CCDC91: variants seen among roughly 807,000 people sequenced by gnomAD.
The protein encoded by CCDC91 is coiled-coil domain-containing protein 91.
CCDC91 carries 48 observed loss-of-function variants against 63.2 expected under a neutral mutation model. The ratio of observed to expected loss-of-function variants is 0.76; its 90% CI spans 0.60 to 0.97. The LOEUF is 0.97. CCDC91 is among the 50% of genes least tolerant of loss of function. The pLI is 0.00. For synonymous variants in CCDC91, 167 were observed against 165.8 expected (o/e 1.01, Z -0.06); for missense variants, 500 against 494.6 (o/e 1.01, Z -0.10).
At chr12:28,369,879 AGAGCTGGAGTAGCT>A (rs1468746707) in intron 7 of CCDC91, among the ~76,000 whole-genome samples, 3 of 152,204 alleles carry the variant, frequency 2.0e-5, no homozygotes, top group African/African-American at 7.2e-5. Context: ...AGCCACAGCT[AGAGCTGGAGTAGCT>A]GGGACAGTGT....
At chr12:28,339,972 G>GTA (rs1219520365) in intron 6 of CCDC91, among the ~76,000 whole-genome samples, 140 of 152,192 alleles carry the variant, frequency 9.2e-4, no homozygotes, top group Admixed American at 9.0e-3. Context: ...ACATATATAT[G>GTA]TATATATACA....
chr12:28,341,507 A>G (rs1942423418), intron 6 of CCDC91, among the ~76,000 whole-genome samples: 1 of 152,070 alleles, frequency 6.6e-6, no homozygotes, highest in African/African-American at 2.4e-5. Flanking sequence ...CTATTTTAAA[A>G]CCATCTGATT....
intron 3 of CCDC91, among the ~76,000 whole-genome samples, chr12:28,287,252 T>A (rs1948969556): frequency 6.6e-6 from 1 of 152,258 alleles, no homozygotes; most frequent in African/African-American, 2.4e-5. Context: ...TTGCAATTGC[T>A]TTTGGCATGT....
At chr12:28,405,302 T>C (rs144921461) in intron 8 of CCDC91, among the ~76,000 whole-genome samples, 2,474 of 152,236 alleles carry the variant, frequency 0.016, 27 homozygotes, top group South Asian at 0.029. Flanking sequence ...AATACTAAAG[T>C]ATTCCAAGTT....
At position 28,467,455 on chromosome 12, in the gene CCDC91, A is replaced by G. The variant is rs184862245; in HGVS notation, c.1101+14801A>G. ...ATGCAGCACTGGAGCACCCAGGTAT[A>G]TAAAGCAAATATTAGAGCTAAAGAG... On this transcript the variant is annotated intron_variant, in intron 11 of 12. Coordinates refer to ENST00000536442, the MANE Select transcript of CCDC91 (RefSeq NM_018318.5). Among the ~76,000 whole-genome samples, 301 of 152,216 alleles carry G rather than the reference A, an allele frequency of 2.0e-3. 5 individuals carry two copies. Among genetic ancestry groups the G allele is most frequent in the Non-Finnish European group, 9.0e-4 (61 of 67,926 alleles).
chr12:28,405,699 G>C (rs1946893249), intron 8 of CCDC91, among the ~76,000 whole-genome samples: 1 of 152,138 alleles, frequency 6.6e-6, no homozygotes, highest in Non-Finnish European at 1.5e-5. Flanking sequence ...TTTTCAACAT[G>C]TGACATCAGA....
intron 3 of CCDC91, among the ~76,000 whole-genome samples, chr12:28,262,907 G>C (rs1270782562): frequency 1.3e-5 from 2 of 151,816 alleles, no homozygotes; most frequent in African/African-American, 4.8e-5. Flanking sequence ...CCAAGGAGAA[G>C]AACTGCCTTT....
chr12:28,304,894 T>C (rs1442005140), intron 3 of CCDC91, among the ~76,000 whole-genome samples: 1 of 152,166 alleles, frequency 6.6e-6, no homozygotes, highest in Middle Eastern at 3.2e-3. Context: ...TCCTATGTCA[T>C]ACTTGATATT....
At chr12:28,546,317 C>G (rs938061707) in intron 12 of CCDC91, among the ~76,000 whole-genome samples, 2 of 152,024 alleles carry the variant, frequency 1.3e-5, no homozygotes, top group African/African-American at 4.8e-5. Context: ...TTCTTAAACT[C>G]AGTTTTCTTA....
chr12:28,224,966 T>C (rs1944178835), intron 1 of CCDC91, among the ~76,000 whole-genome samples: 1 of 152,158 alleles, frequency 6.6e-6, no homozygotes, highest in Non-Finnish European at 1.5e-5. Context: ...AACTTACTTA[T>C]TTAAGAAAGG....
chr12:28,399,389 C>T (rs1297238930), intron 8 of CCDC91, among the ~76,000 whole-genome samples: 1 of 152,168 alleles, frequency 6.6e-6, no homozygotes, highest in Non-Finnish European at 1.5e-5. Context: ...TCTCCTGCAA[C>T]ACTTGGGGAT....
chr12:28,262,344 C>CATTT (rs1184096520), intron 3 of CCDC91, among the ~76,000 whole-genome samples: 1 of 151,962 alleles, frequency 6.6e-6, no homozygotes, highest in Admixed American at 6.6e-5. Flanking sequence ...ATTTGGTTTA[C>CATTT]ATTTTTAAAG....
chr12:28,451,325 G>A (rs1451439365), intron 10 of CCDC91, among the ~76,000 whole-genome samples: 1 of 151,542 alleles, frequency 6.6e-6, no homozygotes, highest in Non-Finnish European at 1.5e-5. Context: ...AGTTTGGAAA[G>A]GAAAGAAATA....
At chr12:28,194,592 G>C (rs961618649) in intron 1 of CCDC91, among the ~76,000 whole-genome samples, 2 of 151,888 alleles carry the variant, frequency 1.3e-5, no homozygotes, top group African/African-American at 4.9e-5. Flanking sequence ...CCTCCTGGTG[G>C]GTTTGTGGCC....
At chr12:28,218,941 CAT>C (rs1234993950) in intron 1 of CCDC91, among the ~76,000 whole-genome samples, 2 of 152,030 alleles carry the variant, frequency 1.3e-5, no homozygotes, top group Admixed American at 6.6e-5. Flanking sequence ...TTTATGTGGA[CAT>C]ATGTTTTCTC....
intron 12 of CCDC91, among the ~76,000 whole-genome samples, chr12:28,486,297 C>A (rs1951722651): frequency 6.6e-6 from 1 of 152,100 alleles, no homozygotes; most frequent in African/African-American, 2.4e-5. Context: ...CCATGCTGTT[C>A]TGTATTGCAG....
At chr12:28,370,211 T>A (rs1447745859) in intron 7 of CCDC91, among the ~76,000 whole-genome samples, 1 of 152,206 alleles carries the variant, frequency 6.6e-6, no homozygotes, top group Non-Finnish European at 1.5e-5. Context: ...CAATGTGAGA[T>A]CATCTCTTTG....
rs1318062806 is a variant in CCDC91 at position 28,549,080 on chromosome 12, C to T, written c.1233C>T (p.Arg411=). The change falls in exon 13 of 13, where the codon CGC becomes CGT. Residue 411 remains arginine (R), a synonymous_variant. Transcript: ENST00000536442. ...TTAAACAGCTCGATCAAGTCATCCG[C>T]CAAAGAAGCCTGTCCAGTTTGGAAC... ...KEQKRLDQVI[R]QRSLSSLELF... The T allele has an allele frequency of 6.2e-7, 1 of 1,611,042 alleles. No homozygotes were observed. Among genetic ancestry groups the T allele is most frequent in the South Asian group, 1.1e-5 (1 of 90,752 alleles).
chr12:28,529,607 A>G (rs1317986707), intron 12 of CCDC91, among the ~76,000 whole-genome samples: 1 of 152,202 alleles, frequency 6.6e-6, no homozygotes. Context: ...CCTGTTTTCT[A>G]ATTGCCGAAG....
Sources: gnomAD v4.1 joint callset for allele counts (sites outside exome capture counted in the v4.1 genomes callset) on GRCh38, gnomAD v4.1.1 for gene constraint, MANE v1.5 for transcripts, NCBI Gene and HGNC (gene_info 2026-07-23, HGNC 2026-07-21) for gene names.